The following STAP1 variants were observed in gnomAD, a reference collection of about 807,000 sequenced individuals.
STAP1 encodes signal-transducing adaptor protein 1.
In STAP1, 30 loss-of-function variants were observed where a neutral mutation model predicts 37.8. The observed-to-expected ratio is 0.79, with a 90% CI of 0.59 to 1.08. The LOEUF is 1.08. STAP1 is among the 50% of genes least tolerant of loss of function. The pLI, the probability that STAP1 is intolerant of heterozygous loss-of-function variation, is 0.00. For missense variants in STAP1, 357 were observed against 349.4 expected, an observed-to-expected ratio of 1.02 and a Z score of -0.17; for synonymous variants, 130 against 116.0, an observed-to-expected ratio of 1.12 and a Z score of -0.78.
chr4:67,559,286 A>T (rs1005455044), intron 1 of STAP1, among the ~76,000 whole-genome samples: 3 of 152,154 alleles, frequency 2.0e-5, no homozygotes, highest in African/African-American at 7.2e-5. Flanking sequence ...CTATGCTTCA[A>T]TGATGACATG....
chr4:67,581,887 C>A (rs1011891695), intron 5 of STAP1, among the ~76,000 whole-genome samples: 1 of 152,230 alleles, frequency 6.6e-6, no homozygotes, highest in Admixed American at 6.5e-5. Flanking sequence ...CAGTAGTCAT[C>A]AAGCTTGTAC....
intron 8 of STAP1, among the ~76,000 whole-genome samples, chr4:67,594,433 A>T (rs539326627): frequency 2.0e-5 from 3 of 152,310 alleles, no homozygotes; most frequent in East Asian, 3.9e-4. Flanking sequence ...AGTACAGGAA[A>T]CATCTCTAGG....
intron 2 of STAP1, among the ~76,000 whole-genome samples, chr4:67,573,383 T>C (rs547583767): frequency 2.0e-5 from 3 of 152,296 alleles, no homozygotes; most frequent in African/African-American, 7.2e-5. Flanking sequence ...AGATGACCTT[T>C]AAGCCTCTTC....
chr4:67,566,097 C>T (rs989164771), intron 1 of STAP1, among the ~76,000 whole-genome samples: 15 of 151,536 alleles, frequency 9.9e-5, no homozygotes, highest in African/African-American at 3.2e-4. Flanking sequence ...TACAGGCGCC[C>T]GCCACTACTC....
intron 1 of STAP1, among the ~76,000 whole-genome samples, chr4:67,563,225 CT>C (rs1454700584): frequency 4.6e-5 from 7 of 152,180 alleles, no homozygotes; most frequent in Non-Finnish European, 1.0e-4. Context: ...TCTCTCCTTT[CT>C]AAAAAGAATA....
Position 67,593,353 on chromosome 4 carries a change from A to G in STAP1, c.823A>G (p.Thr275Ala). 1 of 1,603,372 alleles carries G rather than the reference A, an allele frequency of 6.2e-7. No individual in the cohort carries two copies. The highest frequency in any genetic ancestry group is 1.3e-5 in the African/African-American group (1 of 74,668). The change falls in exon 8 of 9, where the codon ACT (threonine) becomes GCT (alanine). Residue 275 changes from threonine to alanine, a missense_variant. Coordinates refer to ENST00000265404, the MANE Select transcript of STAP1 (RefSeq NM_012108.4). ...RPFICSTDEN[T>A]GQEPSMEGRS... is the part of the protein sequence containing the mutation. ...ATTTATATGTTCAACTGATGAAAAC[A>G]CTGGTATGTTTTTCACTTCATTGCT...
At chr4:67,582,483 A>G (rs954085603) in intron 5 of STAP1, among the ~76,000 whole-genome samples, 14 of 151,750 alleles carry the variant, frequency 9.2e-5, no homozygotes, top group African/African-American at 3.4e-4. Flanking sequence ...TAATTTTTGT[A>G]TTTTTGTAGA....
At chr4:67,603,142 C>T (rs1728380041) in intron 8 of STAP1, among the ~76,000 whole-genome samples, 1 of 152,118 alleles carries the variant, frequency 6.6e-6, no homozygotes, top group South Asian at 2.1e-4. Context: ...AGGAGTTTCT[C>T]CCCATGACTA....
chr4:67,559,433 CATT>C, intron 1 of STAP1, among the ~76,000 whole-genome samples: 1 of 151,964 alleles, frequency 6.6e-6, no homozygotes, highest in East Asian at 1.9e-4. Flanking sequence ...TACTGTTTAA[CATT>C]ATATATAGTT....
chr4:67,584,049 G>C (rs894644132), intron 6 of STAP1, among the ~76,000 whole-genome samples: 1 of 137,076 alleles, frequency 7.3e-6, no homozygotes, highest in Non-Finnish European at 1.5e-5. Context: ...AGTGAGCCGA[G>C]ATCACACCAC....
Position 67,606,601 on chromosome 4 carries a change from C to T in STAP1, c.*244C>T. The T allele has an allele frequency of 2.8e-6, 1 of 356,324 alleles. No homozygotes were observed. 22.1% of individuals were successfully genotyped at this position (356,324 alleles called of 1,614,324 possible). ...ACCTGCAGATATACACATTCCCATGCACTGACATAAGTTGAAAACACATAG... is the reference window on the plus strand; with the variant it reads ...ACCTGCAGATATACACATTCCCATGTACTGACATAAGTTGAAAACACATAG... On this transcript the variant is annotated 3_prime_UTR_variant, in exon 9 of 9. Transcript: ENST00000265404.
At chr4:67,570,633 GC>G (rs1280841944) in intron 1 of STAP1, among the ~76,000 whole-genome samples, 1 of 151,174 alleles carries the variant, frequency 6.6e-6, no homozygotes, top group African/African-American at 2.4e-5. Flanking sequence ...CTACGCTCCA[GC>G]CTGGGTAACA....
chr4:67,569,883 C>T (rs999812254), intron 1 of STAP1, among the ~76,000 whole-genome samples: 3 of 152,178 alleles, frequency 2.0e-5, no homozygotes, highest in Non-Finnish European at 4.4e-5. Flanking sequence ...GTGCACGTCA[C>T]AATGCCTGGC....
chr4:67,600,934 T>C (rs1280471423), intron 8 of STAP1, among the ~76,000 whole-genome samples: 1 of 152,152 alleles, frequency 6.6e-6, no homozygotes, highest in Non-Finnish European at 1.5e-5. Flanking sequence ...TCAGCCACTC[T>C]ATATCTTTTG....
At chr4:67,573,749 T>C (rs1364849664) in intron 2 of STAP1, among the ~76,000 whole-genome samples, 1 of 152,122 alleles carries the variant, frequency 6.6e-6, no homozygotes, top group Admixed American at 6.6e-5. Context: ...GAAATAGCTT[T>C]GGAAAAAAAT....
chr4:67,569,544 T>A (rs1327330917), intron 1 of STAP1, among the ~76,000 whole-genome samples: 3 of 152,190 alleles, frequency 2.0e-5, no homozygotes, highest in African/African-American at 7.2e-5. Flanking sequence ...TGTACAGCTC[T>A]GCAAAAATAT....
At chr4:67,561,914 A>G (rs1042800776) in intron 1 of STAP1, among the ~76,000 whole-genome samples, 2 of 152,000 alleles carry the variant, frequency 1.3e-5, no homozygotes, top group Non-Finnish European at 2.9e-5. Context: ...TCTACTAAAA[A>G]TACAAAAATT....
At position 67,561,611 on chromosome 4, in the gene STAP1, AGAT is replaced by A. The variant is rs553358245; in HGVS notation, c.120+2683_120+2685del. ...GAAAAACACATAATCTTTATGGAAA[AGAT>A]AATGTGGGAAGATTTATTTAAGCCA... On this transcript the variant is annotated intron_variant, in intron 1 of 8. Coordinates refer to ENST00000265404, the MANE Select transcript of STAP1 (RefSeq NM_012108.4). Among the ~76,000 whole-genome samples, 612 of 152,316 alleles carry A rather than the reference AGAT, an allele frequency of 4.0e-3. 4 individuals carry two copies. Among genetic ancestry groups the A allele is most frequent in the African/African-American group, 0.014 (587 of 41,572 alleles).
At position 67,559,370 on chromosome 4, in the gene STAP1, G is replaced by T. The variant is rs1727283049; in HGVS notation, c.120+441G>T. Among the ~76,000 whole-genome samples, 3 of 152,018 alleles carry T rather than the reference G, an allele frequency of 2.0e-5. No homozygotes were observed. The South Asian group carries it at 6.2e-4, about 32-fold the overall frequency. On this transcript the variant is annotated intron_variant, in intron 1 of 8. Coordinates refer to ENST00000265404, the MANE Select transcript of STAP1 (RefSeq NM_012108.4). ...TTCTGAGTCATTTGAAGTTTATAAT[G>T]ATCAAATTATTAAAAATGGCTTTTG...
Sources: gnomAD v4.1 joint callset for allele counts (sites outside exome capture counted in the v4.1 genomes callset) on GRCh38, gnomAD v4.1.1 for gene constraint, MANE v1.5 for transcripts, NCBI Gene and HGNC (gene_info 2026-07-23, HGNC 2026-07-21) for gene names.